The following GYS1 variants were observed in gnomAD, a reference collection of about 807,000 sequenced individuals.
GYS1 encodes glycogen [starch] synthase, muscle.
In GYS1, 60 loss-of-function variants were observed where a neutral mutation model predicts 89.1. The observed-to-expected ratio is 0.67, with a 90% CI of 0.55 to 0.84. The LOEUF (loss-of-function observed/expected upper bound fraction) is 0.84, where lower values mean the gene tolerates loss of function less well. GYS1 is among the 40% of genes least tolerant of loss of function. The pLI is 0.00. For synonymous variants in GYS1, 366 were observed against 401.7 expected (o/e 0.91, Z 1.06); for missense variants, 888 against 1,003.1 (o/e 0.89, Z 1.55).
chr19:48,971,966 A>C (rs1233328167), intron 12 of GYS1, among the ~76,000 whole-genome samples: 4 of 151,124 alleles, frequency 2.6e-5, no homozygotes, highest in Non-Finnish European at 5.9e-5. Context: ...GGCTCAAGCA[A>C]TCCTCCCACC....
Position 48,969,375 on chromosome 19 carries a change from G to T in GYS1, c.2127C>A (p.Asn709Lys). The change falls in exon 16 of 16, where the codon AAC (asparagine) becomes AAA (lysine). Residue 709 changes from asparagine (N) to lysine (K), a missense_variant. Transcript: ENST00000323798. ...CTSSTSGSKR[N>K]SVDTATSSSL... Reference sequence around the variant, plus strand: ...AGCTGGAGGTGGCCGTGTCCACAGAGTTGCGCTTGCTGCCGCTGGTGGAGG... The same window carrying T: ...AGCTGGAGGTGGCCGTGTCCACAGATTTGCGCTTGCTGCCGCTGGTGGAGG... The T allele has an allele frequency of 1.9e-6, 3 of 1,577,724 alleles. No homozygotes were observed. Among genetic ancestry groups the T allele is most frequent in the Non-Finnish European group, 2.6e-6 (3 of 1,166,724 alleles).
At chr19:48,974,101 C>T in intron 12 of GYS1, 112 bp downstream of exon 12, 1 of 1,130,010 alleles carries the variant, frequency 8.8e-7, no homozygotes, top group East Asian at 2.6e-5. Context: ...TACCATTGTT[C>T]CTGTTTTGCA....
intron 10 of GYS1, among the ~76,000 whole-genome samples, chr19:48,976,283 C>T (rs1419225588): frequency 6.6e-6 from 1 of 152,062 alleles, no homozygotes; most frequent in Non-Finnish European, 1.5e-5. Context: ...CAGGAAATGG[C>T]TCCCCAATGT....
chr19:48,969,468 G>A lies in GYS1; in HGVS notation c.2034C>T (p.Asp678=). The change falls in exon 16 of 16, where the codon GAC becomes GAT. Residue 678 remains aspartate, a synonymous_variant. Coordinates refer to ENST00000323798, the MANE Select transcript of GYS1 (RefSeq NM_002103.5). ...LEEDGERYDE[D]EEAAKDRRNI... is the part of the protein sequence containing the mutation. ...TGCGCCGGTCCTTGGCGGCCTCCTC[G>A]TCCTCATCGTAGCGCTCGCCGTCTT... 5 of 1,545,132 alleles carry A rather than the reference G, an allele frequency of 3.2e-6. No individual in the cohort carries two copies. Among genetic ancestry groups the A allele is most frequent in the Non-Finnish European group, 4.4e-6 (5 of 1,146,936 alleles).
chr19:48,969,838 G>A lies in GYS1; in HGVS notation c.1827C>T (p.Arg609=), dbSNP rs1411135010. Residue 609 remains arginine, a synonymous_variant, in exon 15 of 16, where the codon CGC becomes CGT. Transcript: ENST00000323798. ...KYLGRYYMSA[R]HMALSKAFPE... ...GAAAGGCCTTGGACAGCGCCATGTGGCGCGCAGACATATAGTACTAGGGGA... is the reference window on the plus strand; with the variant it reads ...GAAAGGCCTTGGACAGCGCCATGTGACGCGCAGACATATAGTACTAGGGGA... The A allele has an allele frequency of 1.2e-6, 2 of 1,613,600 alleles. No individual in the cohort carries two copies. The highest frequency in any genetic ancestry group is 8.5e-7 in the Non-Finnish European group (1 of 1,179,742).
At chr19:48,973,558 C>G (rs1003819541) in intron 12 of GYS1, among the ~76,000 whole-genome samples, 2 of 142,328 alleles carry the variant, frequency 1.4e-5, no homozygotes, top group African/African-American at 5.3e-5. Context: ...ACCCAGAGCA[C>G]AGCACTGCCG....
chr19:48,978,657 G>A (rs2038699890), intron 8 of GYS1, among the ~76,000 whole-genome samples: 1 of 151,696 alleles, frequency 6.6e-6, no homozygotes, highest in Non-Finnish European at 1.5e-5. Context: ...TCAGCCTCCT[G>A]AGTAGCCGGG....
intron 14 of GYS1, among the ~76,000 whole-genome samples, 193 bp from the exon 15 acceptor site, chr19:48,970,048 C>T (rs1468396519): frequency 6.6e-6 from 1 of 152,200 alleles, no homozygotes; most frequent in Non-Finnish European, 1.5e-5. Flanking sequence ...GAGCCATACC[C>T]CTCAAACAGG....
intron 2 of GYS1, among the ~76,000 whole-genome samples, chr19:48,987,800 C>A (rs1332175983): frequency 6.6e-6 from 1 of 150,726 alleles, no homozygotes; most frequent in Admixed American, 6.6e-5. Context: ...CCACACCTGG[C>A]TAATTTTTTT....
chr19:48,983,656 A>C (rs2038798644), intron 5 of GYS1, among the ~76,000 whole-genome samples: 1 of 152,172 alleles, frequency 6.6e-6, no homozygotes, highest in African/African-American at 2.4e-5. Flanking sequence ...AACCAGTCAA[A>C]GGCCTTCTGG....
rs2038606783 is a variant in GYS1, at chr19:48,974,097, T to C, written c.1549+116A>G. ...CTGTAGCAGAACAGGTGATTACCATTGTTCCTGTTTTGCAAAGAAGGCAAC... is the reference window on the plus strand; with the variant it reads ...CTGTAGCAGAACAGGTGATTACCATCGTTCCTGTTTTGCAAAGAAGGCAAC... On this transcript the variant is annotated intron_variant, in intron 12 of 15. Coordinates refer to ENST00000323798, the MANE Select transcript of GYS1 (RefSeq NM_002103.5). 9 of 1,078,342 alleles carry C rather than the reference T, an allele frequency of 8.3e-6. No individual in the cohort carries two copies. In the South Asian group the frequency reaches 1.1e-4, roughly 13 times the overall value. The allele number at this position is 1,078,342 out of a possible 1,614,324, so 66.8% of individuals were successfully genotyped here.
intron 2 of GYS1, among the ~76,000 whole-genome samples, chr19:48,989,999 G>GGGC (rs1555800115): frequency 4.8e-5 from 1 of 20,826 alleles, no homozygotes; most frequent in Admixed American, 5.3e-4. Context: ...CCCTTTTGCT[G>GGGC]GGGGGGGGGG....
Position 48,977,976 on chromosome 19 carries a change from A to G in GYS1, c.1256T>C (p.Met419Thr), listed in dbSNP as rs1208002277. 1 of 1,614,036 alleles carries G rather than the reference A, an allele frequency of 6.2e-7. No homozygotes were observed. The highest frequency in any genetic ancestry group is 2.2e-5 in the East Asian group (1 of 44,858). Residue 419 changes from methionine to threonine, a missense_variant, in exon 10 of 16, where the codon ATG (methionine) becomes ACG (threonine). Coordinates refer to ENST00000323798, the MANE Select transcript of GYS1 (RefSeq NM_002103.5). ...LVGSLPDMNK[M>T]LDKEDFTMMK... ...CATAGTGAAGTCTTCCTTATCCAGC[A>G]TCTTGTTCATGTCGGGAAGGCTCCC...
At chr19:48,990,226 G>C (rs1328960680) in intron 2 of GYS1, among the ~76,000 whole-genome samples, 1 of 146,158 alleles carries the variant, frequency 6.8e-6, no homozygotes, top group Admixed American at 6.7e-5. Context: ...CTTTCTCCTT[G>C]GACAACAGCG....
At chr19:48,979,792 T>A (rs2038728405) in intron 8 of GYS1, among the ~76,000 whole-genome samples, 1 of 151,530 alleles carries the variant, frequency 6.6e-6, no homozygotes, top group South Asian at 2.1e-4. Flanking sequence ...ACTACAGATG[T>A]GTGTCACCAC....
At chr19:48,975,278 T>C (rs1039648797) in intron 10 of GYS1, among the ~76,000 whole-genome samples, 2 of 151,106 alleles carry the variant, frequency 1.3e-5, no homozygotes, top group African/African-American at 4.9e-5. Context: ...TTCACTATGT[T>C]GGCCAAGTTG....
chr19:48,992,941 C>T (rs1468835446), intron 1 of GYS1, 54 bp downstream of exon 1: 11 of 1,014,114 alleles, frequency 1.1e-5, no homozygotes, highest in South Asian at 3.8e-5. Flanking sequence ...GAGTTCCGGG[C>T]CCCCATCCAC....
In GYS1 at chr19:48,974,710, G is replaced by A. The variant is rs377125421; in HGVS notation, c.1332C>T (p.Cys444=). 6.0e-5 allele frequency: 96 copies of A among 1,613,398 alleles called. No homozygotes were observed. The highest frequency in any genetic ancestry group is 7.5e-5 in the Non-Finnish European group (89 of 1,179,562). The change falls in exon 11 of 16, where the codon TGC becomes TGT. Residue 444 remains cysteine (C), a synonymous_variant. Transcript: ENST00000323798. The stretch of plus-strand genomic sequence containing the variant: ...AGGAGTCATCCAGCATATTGTGGGT[G>A]CACACAGGGGGGAAAGACTGCCGCT... ...ATQRQSFPPV[C]THNMLDDSSD...
chr19:48,981,692 A>G lies in GYS1; in HGVS notation c.1063-56T>C. 3.5e-6 allele frequency: 4 copies of G among 1,131,970 alleles called. No homozygotes were observed. The Admixed American group carries it at 6.9e-5, about 20-fold the overall frequency. The allele number at this position is 1,131,970 out of a possible 1,614,324, so 70.1% of individuals were successfully genotyped here. ...GATCATGTGGGGGAAGCCTGGAACC[A>G]GCCAGCCTTTCTGTCAAGACCACTG... is the stretch of plus-strand genomic sequence containing the variant. On this transcript the variant is annotated intron_variant, in intron 7 of 15. Coordinates refer to ENST00000323798, the MANE Select transcript of GYS1 (RefSeq NM_002103.5).
Sources: allele counts gnomAD v4.1 joint callset (sites outside exome capture counted in the v4.1 genomes callset), GRCh38; gene constraint gnomAD v4.1.1; transcripts MANE v1.5; gene names NCBI Gene and HGNC (gene_info 2026-07-23, HGNC 2026-07-21).